TMEM242: variants seen among roughly 807,000 people sequenced by gnomAD.
The protein encoded by TMEM242 is transmembrane protein 242.
Under a neutral mutation model 18.2 loss-of-function variants are expected in TMEM242, and 10 were observed. The observed-to-expected ratio is 0.55, with a 90% confidence interval of 0.34 to 0.93. The LOEUF (loss-of-function observed/expected upper bound fraction) is 0.93. Among genes scored for constraint, TMEM242 ranks in the 40% least tolerant of loss-of-function variants. TMEM242 has a pLI of 0.02. For synonymous variants in TMEM242, 57 were observed against 69.9 expected (o/e 0.81, Z 0.92); for missense variants, 186 against 175.5 (o/e 1.06, Z -0.34).
At chr6:157,323,323 G>T in intron 1 of TMEM242, 89 bp downstream of exon 1, 2 of 1,376,916 alleles carry the variant, frequency 1.5e-6, no homozygotes, top group Admixed American at 3.7e-5. Flanking sequence ...TCTCAGAGCG[G>T]GATGTGTGTG....
chr6:157,310,415 C>A (rs979560009), intron 3 of TMEM242, among the ~76,000 whole-genome samples: 114 of 151,106 alleles, frequency 7.5e-4, no homozygotes, highest in Non-Finnish European at 1.3e-3. Context: ...TGGGCACTCA[C>A]CTGGCCTCAT....
chr6:157,310,386 C>A, intron 3 of TMEM242, among the ~76,000 whole-genome samples: 1 of 135,492 alleles, frequency 7.4e-6, no homozygotes, highest in South Asian at 2.3e-4. Context: ...ACTCACCTGG[C>A]CTCATCATAG....
chr6:157,313,291 CGG>C (rs1778258038), intron 3 of TMEM242, among the ~76,000 whole-genome samples: 4 of 1,136 alleles, frequency 3.5e-3, no homozygotes, highest in East Asian at 0.045. Flanking sequence ...TGCGCTCATC[CGG>C]CATCATCATA....
chr6:157,316,509 A>G (rs1409328242), intron 3 of TMEM242, among the ~76,000 whole-genome samples: 1 of 152,226 alleles, frequency 6.6e-6, no homozygotes. Flanking sequence ...CTTCAGTCAC[A>G]GGTTTTCTGT....
intron 2 of TMEM242, among the ~76,000 whole-genome samples, chr6:157,321,233 C>T (rs1778492508): frequency 6.6e-6 from 1 of 152,078 alleles, no homozygotes; most frequent in Non-Finnish European, 1.5e-5. Flanking sequence ...TGGTCTCAGT[C>T]TCCTGACCTC....
At chr6:157,317,678 C>T (rs960199313) in intron 3 of TMEM242, among the ~76,000 whole-genome samples, 17 of 152,160 alleles carry the variant, frequency 1.1e-4, no homozygotes, top group East Asian at 1.9e-4. Context: ...CACTATCAAA[C>T]GGATGTGTCA....
At position 157,289,783 on chromosome 6, in the gene TMEM242, C is replaced by G. The variant is rs1777660432; in HGVS notation, c.*3118G>C. The G allele has an allele frequency of 7.1e-6, 1 of 141,214 alleles. No individual in the cohort carries two copies. The highest frequency in any genetic ancestry group is 2.4e-4 in the East Asian group (1 of 4,188). 8.7% of individuals were successfully genotyped at this position (141,214 alleles called of 1,614,324 possible). A position where few individuals can be genotyped will look rare whatever the true frequency, so the allele number is the denominator to read the frequency against. ...GTCCCATACTATCCATGAAACTAAA[C>G]AAAACATGTGACAGCCCAGGTGATT... On this transcript the variant is annotated 3_prime_UTR_variant, in exon 4 of 4. Transcript: ENST00000400788.
chr6:157,315,387 G>A (rs998652557), intron 3 of TMEM242, among the ~76,000 whole-genome samples: 3 of 152,166 alleles, frequency 2.0e-5, no homozygotes, highest in Admixed American at 6.5e-5. Flanking sequence ...AAACACTACC[G>A]CCTTTAAAAG....
chr6:157,320,032 T>G (rs1778467558), intron 2 of TMEM242, among the ~76,000 whole-genome samples: 1 of 152,230 alleles, frequency 6.6e-6, no homozygotes, highest in Admixed American at 6.5e-5. Flanking sequence ...GACCTCCAGG[T>G]GGCAACTGTG....
intron 2 of TMEM242, among the ~76,000 whole-genome samples, chr6:157,320,998 CT>C (rs201521248): frequency 0.29 from 39,549 of 135,176 alleles, 5,115 homozygotes; most frequent in South Asian, 0.46. Context: ...TTTCCCATTT[CT>C]TTTTTTTTTT....
chr6:157,313,413 G>T (rs1554249756), intron 3 of TMEM242, among the ~76,000 whole-genome samples: 2 of 17,880 alleles, frequency 1.1e-4, no homozygotes, highest in East Asian at 1.8e-3. Context: ...ACAGTGTCCA[G>T]TGTGCGCTCA....
chr6:157,317,945 C>T (rs993146910), intron 3 of TMEM242, among the ~76,000 whole-genome samples: 2 of 152,250 alleles, frequency 1.3e-5, no homozygotes, highest in South Asian at 2.1e-4. Context: ...ACGAAGGGTC[C>T]GGTCCACAGA....
chr6:157,321,568 T>G (rs1470750422), intron 2 of TMEM242, among the ~76,000 whole-genome samples: 2 of 152,180 alleles, frequency 1.3e-5, no homozygotes, highest in African/African-American at 2.4e-5. Flanking sequence ...ATGAAAATAG[T>G]TCTGACTTCA....
At chr6:157,309,546 G>A (rs1312189445) in intron 3 of TMEM242, among the ~76,000 whole-genome samples, 2 of 151,960 alleles carry the variant, frequency 1.3e-5, no homozygotes, top group Non-Finnish European at 2.9e-5. Flanking sequence ...GTGCCACCAT[G>A]CCTGGCTAAT....
chr6:157,311,001 C>CAT (rs1158651894), intron 3 of TMEM242, among the ~76,000 whole-genome samples: 660 of 1,532 alleles, frequency 0.43, 256 homozygotes, highest in Admixed American at 0.48. Flanking sequence ...AACCTAGCCT[C>CAT]CCCAGTGTGC....
At chr6:157,301,782 A>T (rs1380494603) in intron 3 of TMEM242, among the ~76,000 whole-genome samples, 3 of 152,014 alleles carry the variant, frequency 2.0e-5, no homozygotes, top group Non-Finnish European at 4.4e-5. Context: ...AAATACAAAA[A>T]TTAGCCGGGT....
At chr6:157,313,049 C>T (rs1554249585) in intron 3 of TMEM242, among the ~76,000 whole-genome samples, 46 of 116,016 alleles carry the variant, frequency 4.0e-4, no homozygotes, top group Admixed American at 7.0e-4. Flanking sequence ...AGTGTGCACT[C>T]ACCTGGCCTC....
chr6:157,292,133 T>A lies in TMEM242; in HGVS notation c.*768A>T, dbSNP rs1413744855. The A allele has an allele frequency of 1.3e-5, 2 of 152,110 alleles. No individual in the cohort carries two copies. Among genetic ancestry groups the A allele is most frequent in the African/African-American group, 4.8e-5 (2 of 41,432 alleles). The allele number at this position is 152,110 out of a possible 1,614,324, so 9.4% of individuals were successfully genotyped here. The stretch of plus-strand genomic sequence containing the variant: ...TATTGAAGACGGATGACAACTGGGC[T>A]TTTTTTACTTTGACAACTGAGACAA... On this transcript the variant is annotated 3_prime_UTR_variant, in exon 4 of 4. Coordinates refer to ENST00000400788, the MANE Select transcript of TMEM242 (RefSeq NM_018452.6).
intron 3 of TMEM242, among the ~76,000 whole-genome samples, chr6:157,309,839 G>C (rs1311392782): frequency 6.7e-6 from 1 of 149,206 alleles, no homozygotes; most frequent in Non-Finnish European, 1.5e-5. Context: ...TTTTATTACA[G>C]TTGAGGTTTC....
Sources: allele counts gnomAD v4.1 joint callset (sites outside exome capture counted in the v4.1 genomes callset), GRCh38; gene constraint gnomAD v4.1.1; transcripts MANE v1.5; gene names NCBI Gene and HGNC (gene_info 2026-07-23, HGNC 2026-07-21).